PKD2L2: variants seen among roughly 807,000 people sequenced by gnomAD.
PKD2L2 encodes polycystin-2-like protein 2.
Under a neutral mutation model 83.9 loss-of-function variants are expected in PKD2L2, and 67 were observed. The ratio of observed to expected loss-of-function variants is 0.80; its 90% CI spans 0.66 to 0.98. The LOEUF is 0.98. Ranked by LOEUF, PKD2L2 falls within the 50% of genes least tolerant of loss-of-function variation. The probability of loss-of-function intolerance (pLI) is 0.00; values close to 1 mark genes in which losing one functional copy is unlikely to be tolerated. For synonymous variants in PKD2L2, 223 were observed against 237.8 expected, an observed-to-expected ratio of 0.94 and a Z score of 0.57; for missense variants, 632 against 717.2, an observed-to-expected ratio of 0.88 and a Z score of 1.36.
chr5:137,893,865 T>C (rs1014439100), intron 3 of PKD2L2, among the ~76,000 whole-genome samples: 6 of 152,110 alleles, frequency 3.9e-5, no homozygotes, highest in African/African-American at 1.2e-4. Flanking sequence ...TTCTGAAGCA[T>C]GTATGTGGCC....
intron 12 of PKD2L2, among the ~76,000 whole-genome samples, chr5:137,933,862 T>C (rs1003909606): frequency 1.3e-5 from 2 of 152,190 alleles, no homozygotes; most frequent in African/African-American, 4.8e-5. Context: ...TAACCACTTC[T>C]TTCCCTGCTG....
In PKD2L2 at chr5:137,921,684, T is replaced by G. The variant is rs767671940; in HGVS notation, c.1377T>G (p.Ile459Met). ...IVLGDFNFAG[I>M]QQANPILGPI... is the part of the protein sequence containing the mutation. ...TTGGAGATTTTAATTTTGCTGGTAT[T>G]CAGCAAGCCAATCCTATCTTGGGAC... The change falls in exon 9 of 15, where the codon ATT becomes ATG. Residue 459 changes from isoleucine (I) to methionine (M), a missense_variant. Physicochemically the swap from Ile to Met is conservative, Grantham distance 10. Coordinates refer to ENST00000508883, the MANE Select transcript of PKD2L2 (RefSeq NM_001300921.2). 2 of 1,603,362 alleles carry G rather than the reference T, an allele frequency of 1.2e-6. No homozygotes were observed. Among genetic ancestry groups the G allele is most frequent in the East Asian group, 2.2e-5 (1 of 44,802 alleles).
intron 5 of PKD2L2, among the ~76,000 whole-genome samples, chr5:137,904,691 T>C (rs1757226278): frequency 6.6e-6 from 1 of 152,110 alleles, no homozygotes; most frequent in Non-Finnish European, 1.5e-5. Context: ...GAAAAAATAA[T>C]CTGTACACCA....
chr5:137,930,300 TGTTA>T (rs1356699138), intron 12 of PKD2L2, among the ~76,000 whole-genome samples: 12 of 152,070 alleles, frequency 7.9e-5, no homozygotes, highest in African/African-American at 2.2e-4. Flanking sequence ...ATAATAAAAA[TGTTA>T]GTAACAAAAT....
chr5:137,912,619 T>G (rs532674508), intron 8 of PKD2L2, among the ~76,000 whole-genome samples: 13 of 151,846 alleles, frequency 8.6e-5, no homozygotes, highest in Non-Finnish European at 1.8e-4. Flanking sequence ...CACCAGCCTC[T>G]GTCTCCCAAA....
chr5:137,909,315 C>A (rs1288555633), intron 8 of PKD2L2, among the ~76,000 whole-genome samples: 2 of 151,992 alleles, frequency 1.3e-5, no homozygotes, highest in Non-Finnish European at 2.9e-5. Flanking sequence ...AGGCATGAGC[C>A]ACCAGCCTGG....
intron 4 of PKD2L2, among the ~76,000 whole-genome samples, chr5:137,896,196 G>C (rs1044222101): frequency 7.3e-5 from 11 of 151,252 alleles, no homozygotes; most frequent in African/African-American, 2.7e-4. Context: ...AAAAAAAATT[G>C]AGAAGAGAAT....
chr5:137,933,471 T>A (rs1001516233), intron 12 of PKD2L2, among the ~76,000 whole-genome samples: 1 of 152,142 alleles, frequency 6.6e-6, no homozygotes, highest in African/African-American at 2.4e-5. Flanking sequence ...ATTCCTTAGA[T>A]AAAGGAGAAA....
At chr5:137,908,992 C>CA (rs767303843) in intron 8 of PKD2L2, 46 bp downstream of exon 8, 83 of 1,220,234 alleles carry the variant, frequency 6.8e-5, no homozygotes, top group East Asian at 4.3e-4. Context: ...TATTTTCTTA[C>CA]AAAAAAAATT....
intron 10 of PKD2L2, among the ~76,000 whole-genome samples, chr5:137,923,843 A>G (rs1038745851): frequency 1.3e-5 from 2 of 152,176 alleles, no homozygotes; most frequent in African/African-American, 2.4e-5. Context: ...TTCCTTCCGG[A>G]AAGTTTTTGC....
At chr5:137,897,959 CA>C (rs1180794410) in intron 4 of PKD2L2, among the ~76,000 whole-genome samples, 25 of 148,682 alleles carry the variant, frequency 1.7e-4, no homozygotes, top group Non-Finnish European at 2.7e-4. Flanking sequence ...AAAGAAGAAA[CA>C]AAAAAAAAAT....
rs1325860761 is a variant in PKD2L2, at chr5:137,935,905, CGA to C, written c.1784_1784+1del. 1 of 1,494,892 alleles carries C rather than the reference CGA, an allele frequency of 6.7e-7. No homozygotes were observed. The highest frequency in any genetic ancestry group is 1.4e-5 in the African/African-American group (1 of 72,470). 92.6% of individuals were successfully genotyped at this position (1,494,892 alleles called of 1,614,324 possible). A position where few individuals can be genotyped will look rare whatever the true frequency, so the allele number is the denominator to read the frequency against. On this transcript the variant is annotated frameshift_variant and splice_region_variant, in exon 13 of 15. Transcript: ENST00000508883. LOFTEE classifies it high-confidence loss of function. ...DYQPVTQEEF[R>X]ELFLYAVELE... is the part of the protein sequence containing the mutation. ...CCAGCCTGTCACTCAAGAAGAATTT[CGA>C]GAGTAAGCTTATGTTCTAACCAGAC...
chr5:137,892,433 C>A, intron 2 of PKD2L2, 47 bp from the exon 3 acceptor site: 1 of 1,113,758 alleles, frequency 9.0e-7, no homozygotes, highest in Non-Finnish European at 1.2e-6. Flanking sequence ...TCCTGATAAG[C>A]TGAGTTTTTA....
At chr5:137,935,249 A>G (rs1273515163) in intron 12 of PKD2L2, among the ~76,000 whole-genome samples, 1 of 152,222 alleles carries the variant, frequency 6.6e-6, no homozygotes, top group East Asian at 1.9e-4. Context: ...TAGTGAGAAC[A>G]GTGCACAGGA....
chr5:137,938,541 C>T (rs1474979623), intron 14 of PKD2L2: 4 of 152,490 alleles, frequency 2.6e-5, no homozygotes, highest in African/African-American at 9.7e-5. Flanking sequence ...TCTAGGTATA[C>T]ATTATGAATA....
At chr5:137,931,629 T>G (rs1759889285) in intron 12 of PKD2L2, among the ~76,000 whole-genome samples, 1 of 152,140 alleles carries the variant, frequency 6.6e-6, no homozygotes, top group African/African-American at 2.4e-5. Context: ...CAACACCCAA[T>G]CTTGAGGGGA....
At chr5:137,912,368 T>C (rs1255796107) in intron 8 of PKD2L2, among the ~76,000 whole-genome samples, 3 of 152,130 alleles carry the variant, frequency 2.0e-5, no homozygotes, top group African/African-American at 4.8e-5. Flanking sequence ...ATATCTCATT[T>C]TGTTTTGGTT....
chr5:137,905,177 TTC>T (rs1489093634), intron 5 of PKD2L2, among the ~76,000 whole-genome samples: 1 of 152,224 alleles, frequency 6.6e-6, no homozygotes, highest in African/African-American at 2.4e-5. Flanking sequence ...TTTATGCTTA[TTC>T]TGTTACCTTT....
chr5:137,932,729 T>C (rs1250195430), intron 12 of PKD2L2, among the ~76,000 whole-genome samples: 1 of 152,224 alleles, frequency 6.6e-6, no homozygotes, highest in Non-Finnish European at 1.5e-5. Context: ...AGAAGTGTTT[T>C]AGAGTTCAGA....
Sources: allele counts gnomAD v4.1 joint callset (sites outside exome capture counted in the v4.1 genomes callset), GRCh38; gene constraint gnomAD v4.1.1; transcripts MANE v1.5; gene names NCBI Gene and HGNC (gene_info 2026-07-23, HGNC 2026-07-21).